Variants in PLXND1 observed in about 807,000 individuals in gnomAD.
PLXND1 encodes plexin-D1.
In PLXND1, 54 loss-of-function variants were observed where a neutral mutation model predicts 197.7. The ratio of observed to expected loss-of-function variants is 0.27; its 90% CI spans 0.22 to 0.34. The LOEUF is 0.34. PLXND1 is among the 10% of genes least tolerant of loss of function. The pLI is 1.00. For missense variants in PLXND1, 2,127 were observed against 2,699.2 expected, an observed-to-expected ratio of 0.79 and a Z score of 4.70; for synonymous variants, 1,180 against 1,161.2, an observed-to-expected ratio of 1.02 and a Z score of -0.33.
At chr3:129,594,145 C>T (rs1482818574) in intron 1 of PLXND1, among the ~76,000 whole-genome samples, 1 of 152,220 alleles carries the variant, frequency 6.6e-6, no homozygotes, top group African/African-American at 2.4e-5. Flanking sequence ...GCGGTTCCGT[C>T]ACAGGTACAG....
intron 1 of PLXND1, among the ~76,000 whole-genome samples, chr3:129,592,663 G>A (rs1334453781): frequency 6.7e-6 from 1 of 148,450 alleles, no homozygotes; most frequent in Non-Finnish European, 1.5e-5. Context: ...ATTCTGCACC[G>A]AAGGAATTTT....
intron 2 of PLXND1, 90 bp downstream of exon 2, chr3:129,589,261 A>C: frequency 2.5e-6 from 2 of 801,118 alleles, no homozygotes; most frequent in Non-Finnish European, 4.0e-6. Context: ...CTGGACCTGT[A>C]GCAGCCCTGT....
Position 129,570,008 on chromosome 3 carries a change from A to G in PLXND1, c.3751-51T>C, listed in dbSNP as rs371302093. 1.6e-4 allele frequency: 162 copies of G among 1,031,398 alleles called. No homozygotes were observed. In the African/African-American group the frequency reaches 2.3e-3, roughly 14 times the overall value. The allele number at this position is 1,031,398 out of a possible 1,614,324, so 63.9% of individuals were successfully genotyped here. A position where few individuals can be genotyped will look rare whatever the true frequency, so the allele number is the denominator to read the frequency against. ...TGTAGCTTTCCTGGACTTATACTCT[A>G]GTTCTGCTCCTCACTTGCTGTGTGG... On this transcript the variant is annotated intron_variant, in intron 19 of 35. Coordinates refer to ENST00000324093, the MANE Select transcript of PLXND1 (RefSeq NM_015103.3).
intron 32 of PLXND1, chr3:129,559,382 G>A (rs13067271): frequency 2.1e-6 from 1 of 466,324 alleles, no homozygotes; most frequent in African/African-American, 2.0e-5. Context: ...GCAACACCTA[G>A]ACCATGCTTC....
In PLXND1 at chr3:129,577,894, G is replaced by C. The variant is rs1304396353; in HGVS notation, c.2346+435C>G. ...GGACAATGGGGAATGGGGTGGCCAA[G>C]GGGTTCTCTGGTCATTCTGCAGGGA... On this transcript the variant is annotated intron_variant, in intron 9 of 35. Transcript: ENST00000324093. The surrounding 1 kb of genome is among the most constrained non-coding windows in gnomAD (Gnocchi z 5.0). Among the ~76,000 whole-genome samples, 1 of 152,244 alleles carries C rather than the reference G, an allele frequency of 6.6e-6. No homozygotes were observed. The highest frequency in any genetic ancestry group is 1.9e-4 in the East Asian group (1 of 5,202).
intron 20 of PLXND1, among the ~76,000 whole-genome samples, chr3:129,568,758 A>G (rs927971260): frequency 5.3e-5 from 8 of 152,202 alleles, no homozygotes; most frequent in African/African-American, 1.9e-4. Flanking sequence ...CATGTTGCCC[A>G]AGCTGGTCTT....
chr3:129,593,864 G>A (rs967018303), intron 1 of PLXND1, among the ~76,000 whole-genome samples: 6 of 152,150 alleles, frequency 3.9e-5, no homozygotes, highest in African/African-American at 1.2e-4. Flanking sequence ...TTTCGGCCCC[G>A]TTTTGAGAGC....
At chr3:129,586,878 G>C (rs1446187141) in intron 2 of PLXND1, among the ~76,000 whole-genome samples, 159 bp from the exon 3 acceptor site, 2 of 152,196 alleles carry the variant, frequency 1.3e-5, no homozygotes, top group Non-Finnish European at 2.9e-5. Flanking sequence ...AGGGCACAGG[G>C]CCGGGCCTTG....
At chr3:129,603,009 C>T (rs906694309) in intron 1 of PLXND1, among the ~76,000 whole-genome samples, 5 of 152,182 alleles carry the variant, frequency 3.3e-5, no homozygotes, top group African/African-American at 1.2e-4. Flanking sequence ...TCTGTCGCTG[C>T]ATAGCTGGCA....
intron 19 of PLXND1, among the ~76,000 whole-genome samples, chr3:129,570,269 A>G (rs962002888): frequency 8.5e-5 from 13 of 152,126 alleles, no homozygotes; most frequent in African/African-American, 2.4e-4. Flanking sequence ...GCTGTCCCCA[A>G]GTATCTGCAA....
At chr3:129,599,395 G>T (rs1202471385) in intron 1 of PLXND1, among the ~76,000 whole-genome samples, 1 of 152,258 alleles carries the variant, frequency 6.6e-6, no homozygotes, top group Non-Finnish European at 1.5e-5. Flanking sequence ...AGGGGCAGAG[G>T]CAGGATTTGA....
chr3:129,555,792 T>C lies in PLXND1; in HGVS notation c.*520A>G. 1 of 445,542 alleles carries C rather than the reference T, an allele frequency of 2.2e-6. No individual in the cohort carries two copies. Among genetic ancestry groups the C allele is most frequent in the Non-Finnish European group, 3.9e-6 (1 of 253,884 alleles). 27.6% of individuals were successfully genotyped at this position (445,542 alleles called of 1,614,324 possible). On this transcript the variant is annotated 3_prime_UTR_variant, in exon 36 of 36. Transcript: ENST00000324093. ...AAAAATCTGACACTACTTGAAACTG[T>C]CTGTGGCCAGGATCCTCTACGGGTG... is the stretch of plus-strand genomic sequence containing the variant.
In PLXND1 at chr3:129,606,092, G is replaced by T; in HGVS notation, c.548C>A (p.Ala183Glu). ...VTVFPSMLNV[A>E]ANHPNASTVG... ...GGTGGACGCGTTCGGGTGGTTGGCC[G>T]CCACGTTCAGCATGCTGGGGAACAC... Residue 183 changes from alanine to glutamate, a missense_variant, in exon 1 of 36, where the codon GCG (alanine) becomes GAG (glutamate). Ala to Glu is a moderately radical substitution (Grantham distance 107). Transcript: ENST00000324093. 6.5e-7 allele frequency: 1 copy of T among 1,547,882 alleles called. No homozygotes were observed.
chr3:129,589,307 G>GCCGGGCCCCCCCCCCCCCCCCCC, intron 2 of PLXND1, 44 bp downstream of exon 2: 2 of 684,688 alleles, frequency 2.9e-6, no homozygotes, highest in Non-Finnish European at 5.1e-6. Context: ...TCCCAGGGGA[G>GCCGGGCCCCCCCCCCCCCCCCCC]CCTCCCACCC....
chr3:129,601,759 T>C (rs2085711713), intron 1 of PLXND1, among the ~76,000 whole-genome samples: 1 of 152,038 alleles, frequency 6.6e-6, no homozygotes. Context: ...TGCTCCTCCA[T>C]CCCATCACTC....
intron 31 of PLXND1, among the ~76,000 whole-genome samples, 183 bp from the exon 32 acceptor site, chr3:129,559,966 G>C (rs1353303367): frequency 6.6e-6 from 1 of 152,196 alleles, no homozygotes; most frequent in Admixed American, 6.5e-5. Context: ...AGGACTAATC[G>C]AGGCACTGGC....
chr3:129,561,575 C>A lies in PLXND1; in HGVS notation c.4993+71G>T, dbSNP rs941144594. 2.3e-5 allele frequency: 27 copies of A among 1,184,222 alleles called. No homozygotes were observed. In the South Asian group the frequency reaches 2.7e-4, roughly 12 times the overall value. 73.4% of individuals were successfully genotyped at this position (1,184,222 alleles called of 1,614,324 possible). ...CTGCCTCTCGGAGCCTCAGCTTCCC[C>A]ACTGGGGCATGGGATGGAAGCCCCT... On this transcript the variant is annotated intron_variant, in intron 29 of 35. Coordinates refer to ENST00000324093, the MANE Select transcript of PLXND1 (RefSeq NM_015103.3).
intron 1 of PLXND1, among the ~76,000 whole-genome samples, chr3:129,602,788 A>C (rs1368089675): frequency 1.3e-5 from 2 of 152,128 alleles, no homozygotes; most frequent in African/African-American, 4.8e-5. Flanking sequence ...CTTGGTGCTT[A>C]CTGTGTACTG....
rs542724161 is a variant in PLXND1, at chr3:129,602,271, A to G, written c.1311+3058T>C. 1.1e-4 allele frequency among the ~76,000 whole-genome samples: 17 copies of G among 152,144 alleles called. No individual in the cohort carries two copies. The South Asian group carries it at 3.3e-3, about 30-fold the overall frequency. On this transcript the variant is annotated intron_variant, in intron 1 of 35. Transcript: ENST00000324093. The stretch of plus-strand genomic sequence containing the variant: ...CAGGATAAAGTCCAGACTCCCAAGG[A>G]CGGTCTCCCCAGGCCTCCCTGGCCC...
Sources: allele counts gnomAD v4.1 joint callset (sites outside exome capture counted in the v4.1 genomes callset), GRCh38; gene constraint gnomAD v4.1.1; non-coding constraint Gnocchi (gnomAD v3.1); transcripts MANE v1.5; gene names NCBI Gene and HGNC (gene_info 2026-07-23, HGNC 2026-07-21).